WNK1: variants seen among roughly 807,000 people sequenced by gnomAD.
WNK1 encodes WNK lysine deficient protein kinase 1.
Under a neutral mutation model 222.8 loss-of-function variants are expected in WNK1, and 38 were observed. The ratio of observed to expected loss-of-function variants is 0.17; its 90% confidence interval spans 0.13 to 0.22. WNK1 has a LOEUF of 0.22. Ranked by LOEUF, WNK1 falls within the 10% of genes least tolerant of loss-of-function variation. The pLI, the probability that WNK1 is intolerant of heterozygous loss-of-function variation, is 1.00. For synonymous variants in WNK1, 1,090 were observed against 1,092.9 expected (o/e 1.00, Z 0.05); for missense variants, 2,348 against 2,918.4 (o/e 0.80, Z 4.50).
intron 26 of WNK1, chr12:901,584 T>C: frequency 2.3e-6 from 3 of 1,289,140 alleles, no homozygotes; most frequent in Non-Finnish European, 3.0e-6. Flanking sequence ...TAACTGTGCA[T>C]CTGAACAGGT....
At position 853,877 on chromosome 12, in the gene WNK1, G is replaced by A. The variant is rs144831166; in HGVS notation, c.1312-3284G>A. Among the ~76,000 whole-genome samples the A allele has an allele frequency of 7.4e-4, 112 of 152,102 alleles. 1 individual carries two copies. The highest frequency in any genetic ancestry group is 2.6e-3 in the African/African-American group (107 of 41,520). ...ATGATCCTCTGGCCCAGCCTCCTGA[G>A]TAGGTGGACCTACAGGCGTATGTGC... is the stretch of plus-strand genomic sequence containing the variant. On this transcript the variant is annotated intron_variant, in intron 4 of 27. Transcript: ENST00000315939.
At chr12:765,792 T>A (rs974053962) in intron 1 of WNK1, among the ~76,000 whole-genome samples, 1 of 152,094 alleles carries the variant, frequency 6.6e-6, no homozygotes, top group Non-Finnish European at 1.5e-5. Context: ...ATAAAAATAA[T>A]AACTTTATCC....
At chr12:840,228 A>G (rs1316551039) in intron 4 of WNK1, among the ~76,000 whole-genome samples, 1 of 151,562 alleles carries the variant, frequency 6.6e-6, no homozygotes, top group Non-Finnish European at 1.5e-5. Flanking sequence ...TCTGGGCTCA[A>G]GTGATCCTCT....
At chr12:774,498 T>C (rs909575462) in intron 1 of WNK1, among the ~76,000 whole-genome samples, 9 of 152,182 alleles carry the variant, frequency 5.9e-5, no homozygotes, top group African/African-American at 2.2e-4. Flanking sequence ...GGGCTTGGAA[T>C]AGGAGAAGGG....
At chr12:793,671 C>T (rs1375455440) in intron 1 of WNK1, among the ~76,000 whole-genome samples, 4 of 152,080 alleles carry the variant, frequency 2.6e-5, no homozygotes, top group Non-Finnish European at 5.9e-5. Context: ...GGATTAGAAG[C>T]ACTATAGGTT....
intron 1 of WNK1, among the ~76,000 whole-genome samples, chr12:758,373 C>CTTTTTTTTTTTTTTT (rs397957357): frequency 3.1e-5 from 2 of 64,720 alleles, no homozygotes; most frequent in African/African-American, 1.2e-4. Flanking sequence ...TGCTATAGTT[C>CTTTTTTTTTTTTTTT]TTTTTTTTTT....
chr12:770,669 C>T (rs1332831281), intron 1 of WNK1, among the ~76,000 whole-genome samples: 1 of 152,180 alleles, frequency 6.6e-6, no homozygotes, highest in African/African-American at 2.4e-5. Flanking sequence ...GCATCCTCTA[C>T]AGGCCATAAT....
rs998372812 is a variant in WNK1, at chr12:827,015, T to A, written c.933-27T>A. 5.1e-6 allele frequency: 8 copies of A among 1,579,812 alleles called. No homozygotes were observed. In the African/African-American group the frequency reaches 9.4e-5, roughly 19 times the overall value. On this transcript the variant is annotated intron_variant, in intron 2 of 27. Transcript: ENST00000315939. The surrounding 1 kb of genome is among the most constrained non-coding windows in gnomAD (Gnocchi z 4.6). ...GCAACAAACTCCTATCATTGATAAC[T>A]TGTTTGGTATACTTTGCTTTTTCTA...
chr12:903,427 C>G (rs1171217508), intron 26 of WNK1, among the ~76,000 whole-genome samples: 1 of 152,064 alleles, frequency 6.6e-6, no homozygotes, highest in Non-Finnish European at 1.5e-5. Context: ...GCATGTCCAC[C>G]TAGAAAGTTG....
chr12:788,258 TA>T (rs1258432597), intron 1 of WNK1, among the ~76,000 whole-genome samples: 8 of 152,258 alleles, frequency 5.3e-5, no homozygotes, highest in Admixed American at 4.6e-4. Context: ...AACATAAAAC[TA>T]ACCATCACAG....
Position 884,486 on chromosome 12 carries a change from T to G in WNK1, c.3845-163T>G, listed in dbSNP as rs10849576. Among the ~76,000 whole-genome samples the G allele has an allele frequency of 0.45, 68,380 of 152,052 alleles. 16,017 individuals are homozygous for G. Among genetic ancestry groups the G allele is most frequent in the African/African-American group, 0.56 (23,354 of 41,442 alleles). ...AGTCTGTATAATAGATATTGTAGTATGTGTTTATTTCTGCACTTAGTACTG... is the reference window on the plus strand; with the variant it reads ...AGTCTGTATAATAGATATTGTAGTAGGTGTTTATTTCTGCACTTAGTACTG... On this transcript the variant is annotated intron_variant, in intron 18 of 27. Coordinates refer to ENST00000315939, the MANE Select transcript of WNK1 (RefSeq NM_018979.4). This position sits in a 1 kb window ranked among gnomAD's most constrained non-coding sequence, Gnocchi z 5.6.
intron 21 of WNK1, 65 bp from the exon 22 acceptor site, chr12:890,388 A>G (rs1954102360): frequency 1.3e-6 from 2 of 1,586,040 alleles, no homozygotes; most frequent in South Asian, 2.2e-5. Flanking sequence ...AGGAAAGGCA[A>G]CGAGGCAAAA....
chr12:857,320 C>A, intron 5 of WNK1, 71 bp downstream of exon 5: 2 of 1,280,426 alleles, frequency 1.6e-6, no homozygotes, highest in Non-Finnish European at 2.3e-6. Flanking sequence ...GAGTACAACA[C>A]ACATTCTACG....
At chr12:879,503 G>T (rs1592146238) in intron 10 of WNK1, 70 bp from the exon 11 acceptor site, 317 of 888,832 alleles carry the variant, frequency 3.6e-4, no homozygotes, top group South Asian at 6.6e-4. Context: ...TCTTGCTTTT[G>T]GCAGCCTTGC....
Position 896,638 on chromosome 12 carries a change from A to C in WNK1, c.6151A>C (p.Ser2051Arg). Residue 2051 changes from serine to arginine, a missense_variant, in exon 24 of 28, where the codon AGT (serine) becomes CGT (arginine). Transcript: ENST00000315939. The part of the protein sequence containing the change: ...LPSQNLSQSL[S>R]NSFNSSYMSS... ...TAGCCAGAATCTAAGTCAAAGCCTT[A>C]GTAATTCATTTAACTCCTCTTACAT... 1 of 1,608,808 alleles carries C rather than the reference A, an allele frequency of 6.2e-7. No individual in the cohort carries two copies. Among genetic ancestry groups the C allele is most frequent in the Non-Finnish European group, 8.5e-7 (1 of 1,178,056 alleles).
chr12:863,119 C>T (rs1221853603), intron 8 of WNK1, among the ~76,000 whole-genome samples: 1 of 152,160 alleles, frequency 6.6e-6, no homozygotes, highest in Non-Finnish European at 1.5e-5. Context: ...CACTGTACAG[C>T]ACTTGTTTAG....
At chr12:879,011 A>G (rs1276476520) in intron 10 of WNK1, among the ~76,000 whole-genome samples, 2 of 152,158 alleles carry the variant, frequency 1.3e-5, no homozygotes, top group Non-Finnish European at 2.9e-5. Flanking sequence ...CCAATTTCTC[A>G]CATGTTAAAA....
intron 4 of WNK1, among the ~76,000 whole-genome samples, chr12:831,792 G>T (rs556667609): frequency 6.6e-6 from 1 of 151,638 alleles, no homozygotes; most frequent in East Asian, 1.9e-4. Context: ...TCCCTCTGAG[G>T]TCCCCAATAA....
chr12:889,297 C>G lies in WNK1; in HGVS notation c.5448+74C>G, dbSNP rs543498214. The G allele has an allele frequency of 2.3e-6, 3 of 1,278,748 alleles. No individual in the cohort carries two copies. The African/African-American group carries it at 4.4e-5, about 19-fold the overall frequency. The allele number at this position is 1,278,748 out of a possible 1,614,324, so 79.2% of individuals were successfully genotyped here. A position where few individuals can be genotyped will look rare whatever the true frequency, so the allele number is the denominator to read the frequency against. ...ATATGCCTGGGACACAAACTGTAAC[C>G]TAAACCATTATTAATACCTTTAACA... On this transcript the variant is annotated intron_variant, in intron 21 of 27. Coordinates refer to ENST00000315939, the MANE Select transcript of WNK1 (RefSeq NM_018979.4).
Sources: gnomAD v4.1 joint callset for allele counts (sites outside exome capture counted in the v4.1 genomes callset) on GRCh38, gnomAD v4.1.1 for gene constraint, Gnocchi (gnomAD v3.1) non-coding constraint, MANE v1.5 for transcripts, NCBI Gene and HGNC (gene_info 2026-07-23, HGNC 2026-07-21) for gene names.